The following TRIM55 variants were observed in gnomAD, a reference collection of about 807,000 sequenced individuals.
TRIM55 encodes the protein tripartite motif containing 55, also known as tripartite motif-containing protein 55.
A neutral mutation model predicts 60.9 loss-of-function variants in TRIM55; 50 were observed. The ratio of observed to expected loss-of-function variants is 0.82; its 90% CI spans 0.65 to 1.04. TRIM55 has a LOEUF of 1.04. Ranked by LOEUF, TRIM55 falls within the 50% of genes least tolerant of loss-of-function variation. TRIM55 has a pLI of 0.00. For synonymous variants in TRIM55, 237 were observed against 238.1 expected (o/e 1.00, Z 0.04); for missense variants, 681 against 666.9 (o/e 1.02, Z -0.23).
chr8:66,137,819 A>G (rs1353628044), intron 4 of TRIM55, among the ~76,000 whole-genome samples: 3 of 152,072 alleles, frequency 2.0e-5, no homozygotes, highest in African/African-American at 7.2e-5. Flanking sequence ...TGTTTAGCTC[A>G]TATTTGAGCT....
intron 9 of TRIM55, among the ~76,000 whole-genome samples, chr8:66,165,226 T>C (rs902900507): frequency 1.3e-5 from 2 of 152,122 alleles, no homozygotes; most frequent in Non-Finnish European, 2.9e-5. Context: ...GAGCCCCGCA[T>C]CTCTACTGGG....
At chr8:66,137,530 T>C (rs1323250354) in intron 4 of TRIM55, among the ~76,000 whole-genome samples, 1 of 152,194 alleles carries the variant, frequency 6.6e-6, no homozygotes, top group Non-Finnish European at 1.5e-5. Context: ...AAATCCAAAC[T>C]GTCTTAGGAA....
intron 7 of TRIM55, 76 bp downstream of exon 7, chr8:66,150,542 C>A (rs187166218): frequency 8.3e-6 from 13 of 1,557,328 alleles, no homozygotes; most frequent in Admixed American, 1.8e-5. Flanking sequence ...GGGAGGAAAG[C>A]GGGGATTCAG....
At chr8:66,132,783 G>A (rs956661206) in intron 2 of TRIM55, among the ~76,000 whole-genome samples, 7 of 151,526 alleles carry the variant, frequency 4.6e-5, no homozygotes, top group African/African-American at 1.7e-4. Flanking sequence ...AGTAAGTGGT[G>A]CCTCTGGGGC....
chr8:66,130,282 T>C (rs1415565264), intron 2 of TRIM55, among the ~76,000 whole-genome samples: 1 of 152,224 alleles, frequency 6.6e-6, no homozygotes, highest in Admixed American at 6.5e-5. Flanking sequence ...ATAAAGCTCA[T>C]AGTTGAGTGA....
intron 4 of TRIM55, among the ~76,000 whole-genome samples, chr8:66,139,116 C>G (rs972021210): frequency 6.6e-6 from 1 of 152,162 alleles, no homozygotes; most frequent in Admixed American, 6.5e-5. Flanking sequence ...ACAGTACAAA[C>G]TTTTTTCTTT....
At chr8:66,115,542 C>G in the TRIM55 span, among the ~76,000 whole-genome samples, 1 of 152,144 alleles carries the variant, frequency 6.6e-6, no homozygotes, top group Non-Finnish European at 1.5e-5. Context: ...GGAAGTAATG[C>G]GCCCAAAACC....
chr8:66,141,481 A>AT (rs1809813193), intron 4 of TRIM55, among the ~76,000 whole-genome samples: 1 of 152,104 alleles, frequency 6.6e-6, no homozygotes, highest in Non-Finnish European at 1.5e-5. Flanking sequence ...ATGGAACTGG[A>AT]TGGGGGGCTG....
At chr8:66,127,060 A>G, upstream of TRIM55, 1 of 480,570 alleles carries the variant, frequency 2.1e-6, no homozygotes, top group Non-Finnish European at 3.7e-6. Flanking sequence ...ACTGGCTTAT[A>G]TGGACACGTC....
At chr8:66,113,354 A>C in the TRIM55 span, 550 of 361,756 alleles carry the variant, frequency 1.5e-3, 4 homozygotes, top group African/African-American at 9.4e-3. Context: ...GGACGCCGAC[A>C]CACGTACACG....
intron 2 of TRIM55, among the ~76,000 whole-genome samples, chr8:66,130,740 A>C (rs1191858390): frequency 2.7e-5 from 4 of 150,042 alleles, no homozygotes; most frequent in Admixed American, 2.7e-4. Flanking sequence ...GGCTCACTAC[A>C]AGCTCTGCCT....
the TRIM55 span, among the ~76,000 whole-genome samples, chr8:66,118,124 G>A: frequency 7.6e-6 from 1 of 130,764 alleles, no homozygotes; most frequent in Non-Finnish European, 1.5e-5. Context: ...AGCCGAGATC[G>A]CGCCACTGCA....
chr8:66,161,701 T>A (rs549644046), intron 9 of TRIM55, among the ~76,000 whole-genome samples: 1 of 152,056 alleles, frequency 6.6e-6, no homozygotes, highest in African/African-American at 2.4e-5. Flanking sequence ...CCACAGTGTT[T>A]TGTAGATTTC....
chr8:66,125,901 G>A (rs904979425), upstream of TRIM55, among the ~76,000 whole-genome samples: 7 of 152,174 alleles, frequency 4.6e-5, no homozygotes, highest in African/African-American at 1.4e-4. Context: ...TAAAATGAAG[G>A]AGAAAGAAAG....
chr8:66,120,085 A>G, the TRIM55 span, among the ~76,000 whole-genome samples: 1 of 152,182 alleles, frequency 6.6e-6, no homozygotes, highest in Non-Finnish European at 1.5e-5. Context: ...CAGGGCAACT[A>G]CTTAACTTGC....
chr8:66,168,100 C>T (rs77337798), intron 9 of TRIM55, among the ~76,000 whole-genome samples: 41 of 152,276 alleles, frequency 2.7e-4, no homozygotes, highest in Non-Finnish European at 5.9e-4. Flanking sequence ...TTTGGGGGTT[C>T]CTATTTTCTG....
intron 2 of TRIM55, among the ~76,000 whole-genome samples, chr8:66,132,530 T>C (rs1205896155): frequency 6.6e-6 from 1 of 152,058 alleles, no homozygotes; most frequent in Non-Finnish European, 1.5e-5. Flanking sequence ...CTCAGGAAAC[T>C]CTAGGGTGGC....
At position 66,127,557 on chromosome 8, in the gene TRIM55, T is replaced by TGCCG. The variant is rs1808880271; in HGVS notation, c.168+122_168+123insCCGG. The TGCCG allele has an allele frequency of 5.8e-6, 7 of 1,202,974 alleles. No homozygotes were observed. In the South Asian group the frequency reaches 8.4e-5, roughly 14 times the overall value. 74.5% of individuals were successfully genotyped at this position (1,202,974 alleles called of 1,614,324 possible). A position where few individuals can be genotyped will look rare whatever the true frequency, so the allele number is the denominator to read the frequency against. On this transcript the variant is annotated intron_variant, in intron 1 of 9. Coordinates refer to ENST00000315962, the MANE Select transcript of TRIM55 (RefSeq NM_184085.2). ...AACTTTATAAGGTTGCCGGGCGCTT[T>TGCCG]GGCTCACGCCTGTAGTCCCAGCACT...
At chr8:66,118,086 G>A in the TRIM55 span, among the ~76,000 whole-genome samples, 3 of 144,582 alleles carry the variant, frequency 2.1e-5, no homozygotes, top group South Asian at 2.2e-4. Flanking sequence ...GGAGAATGGC[G>A]TGAACCCGGG....
Sources: gnomAD v4.1 joint callset for allele counts (sites outside exome capture counted in the v4.1 genomes callset) on GRCh38, gnomAD v4.1.1 for gene constraint, MANE v1.5 for transcripts, NCBI Gene and HGNC (gene_info 2026-07-23, HGNC 2026-07-21) for gene names.